The following CHN2 variants were observed in gnomAD, a reference collection of about 807,000 sequenced individuals.
The protein encoded by CHN2 is beta-chimaerin.
In CHN2, 35 loss-of-function variants were observed where a neutral mutation model predicts 56.3. The observed-to-expected ratio is 0.62, with a 90% CI of 0.47 to 0.82. The LOEUF is 0.82. Among genes scored for constraint, CHN2 ranks in the 40% least tolerant of loss-of-function variants. The pLI is 0.00. For synonymous variants in CHN2, 210 were observed against 212.8 expected (o/e 0.99, Z 0.12); for missense variants, 491 against 580.5 (o/e 0.85, Z 1.58).
intron 1 of CHN2, among the ~76,000 whole-genome samples, chr7:29,254,296 C>A (rs1341650795): frequency 6.6e-6 from 1 of 152,112 alleles, no homozygotes; most frequent in Non-Finnish European, 1.5e-5. Flanking sequence ...GTACACAGTA[C>A]CCCTGTAATA....
intron 2 of CHN2, among the ~76,000 whole-genome samples, chr7:29,169,250 A>T (rs1302901163): frequency 6.6e-6 from 1 of 152,206 alleles, no homozygotes; most frequent in Non-Finnish European, 1.5e-5. Flanking sequence ...CTATGCTGAT[A>T]TTACCATTGT....
intron 1 of CHN2, among the ~76,000 whole-genome samples, chr7:29,295,438 A>G (rs1019589633): frequency 6.6e-6 from 1 of 151,904 alleles, no homozygotes; most frequent in Non-Finnish European, 1.5e-5. Flanking sequence ...GGCACTCAGA[A>G]TTGTAATGAA....
At chr7:29,388,156 A>G (rs984411917) in intron 3 of CHN2, among the ~76,000 whole-genome samples, 3 of 152,184 alleles carry the variant, frequency 2.0e-5, no homozygotes, top group Non-Finnish European at 2.9e-5. Flanking sequence ...TGCGCTATAC[A>G]TTTTTTAGGA....
chr7:29,340,867 C>G (rs1797002386), intron 1 of CHN2, among the ~76,000 whole-genome samples: 1 of 152,232 alleles, frequency 6.6e-6, no homozygotes, highest in East Asian at 1.9e-4. Flanking sequence ...TTCACCACAA[C>G]TGCTGGCACC....
chr7:29,188,601 A>G (rs1478376425), intron 2 of CHN2, among the ~76,000 whole-genome samples: 1 of 152,058 alleles, frequency 6.6e-6, no homozygotes, highest in African/African-American at 2.4e-5. Flanking sequence ...GAAAGAAATG[A>G]AAATATTGAT....
In CHN2 at chr7:29,363,552, G is replaced by T. The variant is rs566213285; in HGVS notation, c.89-4380G>T. Reference sequence around the variant, plus strand: ...CACAGTTCTAGTTGCTGGGGATTCTGCAGTGCACAGAACAACATCCCTGCC... The same window carrying T: ...CACAGTTCTAGTTGCTGGGGATTCTTCAGTGCACAGAACAACATCCCTGCC... On this transcript the variant is annotated intron_variant, in intron 2 of 12. Coordinates refer to ENST00000222792, the MANE Select transcript of CHN2 (RefSeq NM_004067.4). Among the ~76,000 whole-genome samples the T allele has an allele frequency of 4.6e-5, 7 of 152,312 alleles. No homozygotes were observed. The South Asian group carries it at 6.2e-4, about 14-fold the overall frequency.
intron 12 of CHN2, among the ~76,000 whole-genome samples, chr7:29,512,266 T>G (rs1360508819): frequency 6.6e-6 from 1 of 151,806 alleles, no homozygotes; most frequent in African/African-American, 2.4e-5. Context: ...CCAGTATTCC[T>G]CAAATGATAG....
chr7:29,334,734 C>T (rs1459476649), intron 1 of CHN2, among the ~76,000 whole-genome samples: 7 of 151,984 alleles, frequency 4.6e-5, no homozygotes, highest in Admixed American at 1.3e-4. Flanking sequence ...CCAGCCTGGG[C>T]GACAGAGCCA....
chr7:29,512,669 G>T lies in CHN2; in HGVS notation c.1341G>T (p.Leu447=). The T allele has an allele frequency of 6.2e-7, 1 of 1,614,188 alleles. No homozygotes were observed. Among genetic ancestry groups the T allele is most frequent in the African/African-American group, 1.3e-5 (1 of 75,044 alleles). The change falls in exon 13 of 13, where the codon CTG becomes CTT. Residue 447 remains leucine, a synonymous_variant. Coordinates refer to ENST00000222792, the MANE Select transcript of CHN2 (RefSeq NM_004067.4). ...RPPEDSTLTT[L]HDMRYQKLIV... is the part of the protein sequence containing the mutation. Reference sequence around the variant, plus strand: ...CTGAGGACAGCACCCTGACCACCCTGCATGATATGCGGTACCAAAAGCTGA... The same window carrying T: ...CTGAGGACAGCACCCTGACCACCCTTCATGATATGCGGTACCAAAAGCTGA...
chr7:29,157,387 T>C (rs1794541528), intron 2 of CHN2, among the ~76,000 whole-genome samples: 1 of 152,200 alleles, frequency 6.6e-6, no homozygotes, highest in African/African-American at 2.4e-5. Context: ...AGTAAACTGC[T>C]ATCCATTATT....
At chr7:29,455,400 C>A (rs1165182581) in intron 6 of CHN2, among the ~76,000 whole-genome samples, 1 of 152,110 alleles carries the variant, frequency 6.6e-6, no homozygotes, top group East Asian at 1.9e-4. Flanking sequence ...ATCAGCTAGT[C>A]GCGGCACAGT....
chr7:29,507,340 C>T lies in CHN2; in HGVS notation c.1104C>T (p.Thr368=). 5.6e-6 allele frequency: 9 copies of T among 1,608,076 alleles called. No individual in the cohort carries two copies. Among genetic ancestry groups the T allele is most frequent in the Non-Finnish European group, 6.8e-6 (8 of 1,177,660 alleles). ...DLPIPVITYD[T]YSKFIDAAKI... is the part of the protein sequence containing the mutation. ...CCATCCCTGTCATCACATATGATACCTATTCCAAATTTATAGATGCAGCAA... is the reference window on the plus strand; with the variant it reads ...CCATCCCTGTCATCACATATGATACTTATTCCAAATTTATAGATGCAGCAA... Residue 368 remains threonine (T), a synonymous_variant, in exon 11 of 13, where the codon ACC becomes ACT. Transcript: ENST00000222792.
At chr7:29,222,490 C>CATGGTACTGTTACATAA (rs70980515) in intron 1 of CHN2, among the ~76,000 whole-genome samples, 1 of 151,846 alleles carries the variant, frequency 6.6e-6, no homozygotes, top group Non-Finnish European at 1.5e-5. Context: ...ACCAAAACAG[C>CATGGTACTGTTACATAA]ACAGACACAC....
intron 9 of CHN2, among the ~76,000 whole-genome samples, chr7:29,500,655 G>T (rs1030582762): frequency 2.0e-5 from 3 of 152,054 alleles, no homozygotes; most frequent in African/African-American, 7.2e-5. Context: ...ATTTAAGGAC[G>T]GTGAGAAGGG....
Position 29,478,081 on chromosome 7 carries a change from CTA to C in CHN2, c.577-2196_577-2195del. On this transcript the variant is annotated intron_variant, in intron 6 of 12. Coordinates refer to ENST00000222792, the MANE Select transcript of CHN2 (RefSeq NM_004067.4). ...CAATCAGAAAAATGTGGATAAAACA[CTA>C]TGGGATTTCAGAGGACACAGTTGGC... Among the ~76,000 whole-genome samples, 5 of 152,286 alleles carry C rather than the reference CTA, an allele frequency of 3.3e-5. 1 individual carries two copies. In the Middle Eastern group the frequency reaches 0.014, roughly 414 times the overall value.
chr7:29,230,795 T>A (rs150060587), intron 1 of CHN2, among the ~76,000 whole-genome samples: 6 of 152,376 alleles, frequency 3.9e-5, no homozygotes, highest in African/African-American at 1.4e-4. Flanking sequence ...TTCCCAAATC[T>A]TGAAATTTTT....
rs1562866631 is a variant in CHN2, at chr7:29,252,596, T to TTTGTTTTGTTTTG, written c.49+57608_49+57609insGTTTTGTTTTGTT. On this transcript the variant is annotated intron_variant, in intron 1 of 12. Transcript: ENST00000222792. ...ATTCTTTGTTTTTTTTTTTTTTTTT[T>TTTGTTTTGTTTTG]TTTTTTTTTTGAGACGGAGTCTCGC... 3.6e-3 allele frequency among the ~76,000 whole-genome samples: 107 copies of TTTGTTTTGTTTTG among 29,992 alleles called. 26 individuals carry two copies. Among genetic ancestry groups the TTTGTTTTGTTTTG allele is most frequent in the African/African-American group, 0.026 (83 of 3,142 alleles). 19.7% of individuals were successfully genotyped at this position (29,992 alleles called of 152,430 possible). A position where few individuals can be genotyped will look rare whatever the true frequency, so the allele number is the denominator to read the frequency against.
At chr7:29,452,168 G>A (rs1042844483) in intron 6 of CHN2, among the ~76,000 whole-genome samples, 7 of 152,244 alleles carry the variant, frequency 4.6e-5, no homozygotes, top group Non-Finnish European at 8.8e-5. Context: ...AGTTGGGACT[G>A]TGCAAGCAAG....
At chr7:29,224,105 G>T (rs1457175148) in intron 1 of CHN2, among the ~76,000 whole-genome samples, 1 of 152,160 alleles carries the variant, frequency 6.6e-6, no homozygotes, top group Non-Finnish European at 1.5e-5. Context: ...TGGCGGGAAG[G>T]ACTGTCACAG....
Sources: gnomAD v4.1 joint callset for allele counts (sites outside exome capture counted in the v4.1 genomes callset) on GRCh38, gnomAD v4.1.1 for gene constraint, MANE v1.5 for transcripts, NCBI Gene and HGNC (gene_info 2026-07-23, HGNC 2026-07-21) for gene names.